Variants in RBM47 observed in about 807,000 individuals in gnomAD.
RBM47 encodes RNA-binding protein 47.
A neutral mutation model predicts 47.1 loss-of-function variants in RBM47; 21 were observed. The ratio of observed to expected loss-of-function variants is 0.45; its 90% CI spans 0.32 to 0.64. RBM47 has a LOEUF of 0.64. Ranked by LOEUF, RBM47 falls within the 30% of genes least tolerant of loss-of-function variation. RBM47 has a pLI of 0.05. For missense variants in RBM47, 708 were observed against 870.9 expected (o/e 0.81, Z 2.35); for synonymous variants, 375 against 361.7 (o/e 1.04, Z -0.42).
At chr4:40,489,160 T>C (rs983012812) in intron 2 of RBM47, among the ~76,000 whole-genome samples, 1 of 152,160 alleles carries the variant, frequency 6.6e-6, no homozygotes, top group Non-Finnish European at 1.5e-5. Context: ...GCCCTGACTG[T>C]TTCAGCATTG....
chr4:40,586,116 A>G (rs1035599914), intron 1 of RBM47, among the ~76,000 whole-genome samples: 1 of 152,210 alleles, frequency 6.6e-6, no homozygotes, highest in Non-Finnish European at 1.5e-5. Context: ...CAGAATTAAC[A>G]TGTTAGGGAG....
In RBM47 at chr4:40,628,521, C is replaced by T. The variant is rs965728916; in HGVS notation, c.-240+875G>A. 1.8e-4 allele frequency among the ~76,000 whole-genome samples: 28 copies of T among 152,186 alleles called. No homozygotes were observed. The highest frequency in any genetic ancestry group is 6.3e-4 in the African/African-American group (26 of 41,434). ...CCTTTTGAGCTCAAAACTTCGGCAA[C>T]TCCTTCATGTTGGGTTGTCAACCCT... On this transcript the variant is annotated intron_variant, in intron 1 of 6. Coordinates refer to ENST00000295971, the MANE Select transcript of RBM47 (RefSeq NM_001098634.2). This position sits in a 1 kb window ranked among gnomAD's most constrained non-coding sequence, Gnocchi z 4.0.
intron 1 of RBM47, among the ~76,000 whole-genome samples, chr4:40,589,060 A>C (rs1578022162): frequency 8.7e-6 from 1 of 114,852 alleles, no homozygotes; most frequent in African/African-American, 3.4e-5. Flanking sequence ...TGCAACCTCC[A>C]CCTCCCGGGT....
At chr4:40,526,327 CAG>C (rs978438763) in intron 2 of RBM47, among the ~76,000 whole-genome samples, 2 of 152,294 alleles carry the variant, frequency 1.3e-5, no homozygotes, top group African/African-American at 4.8e-5. Context: ...TCCCTGTCTT[CAG>C]AGTTTTCTAA....
intron 2 of RBM47, among the ~76,000 whole-genome samples, chr4:40,527,436 A>ATTTTTTTTTTTTTTTTT (rs60524903): frequency 1.5e-4 from 16 of 104,706 alleles, no homozygotes; most frequent in African/African-American, 4.7e-4. Context: ...ACACCTGGCA[A>ATTTTTTTTTTTTTTTTT]TTTTTTTTTT....
At chr4:40,500,317 C>A (rs139413730) in intron 2 of RBM47, among the ~76,000 whole-genome samples, 32 of 149,928 alleles carry the variant, frequency 2.1e-4, no homozygotes, top group African/African-American at 3.4e-4. Context: ...TCGTCCCCCC[C>A]CAAAAAAAAA....
chr4:40,534,890 G>A (rs1727776376), intron 2 of RBM47, among the ~76,000 whole-genome samples: 2 of 150,472 alleles, frequency 1.3e-5, no homozygotes, highest in Admixed American at 6.6e-5. Context: ...AGCCGAGATC[G>A]TGCCAGTGCA....
At chr4:40,487,029 A>G (rs1479471871) in intron 2 of RBM47, among the ~76,000 whole-genome samples, 1 of 152,218 alleles carries the variant, frequency 6.6e-6, no homozygotes, top group African/African-American at 2.4e-5. Flanking sequence ...AGACTTACTT[A>G]AACTGGAAGA....
At chr4:40,613,843 A>T (rs978037253) in intron 1 of RBM47, among the ~76,000 whole-genome samples, 4 of 151,604 alleles carry the variant, frequency 2.6e-5, no homozygotes, top group Non-Finnish European at 2.9e-5. Context: ...TGTGGAGAAC[A>T]GTCTAGAATT....
intron 2 of RBM47, among the ~76,000 whole-genome samples, chr4:40,493,879 C>T (rs919972735): frequency 4.6e-5 from 7 of 151,840 alleles, no homozygotes; most frequent in African/African-American, 1.7e-4. Context: ...GCAGAGGTTG[C>T]AGTGAGCCAA....
At chr4:40,523,918 G>A (rs1291725083) in intron 2 of RBM47, among the ~76,000 whole-genome samples, 2 of 151,362 alleles carry the variant, frequency 1.3e-5, no homozygotes, top group Non-Finnish European at 2.9e-5. Context: ...GTCTGATTTC[G>A]CAAATAAAAC....
intron 1 of RBM47, among the ~76,000 whole-genome samples, chr4:40,561,227 C>CTTTT (rs1176318537): frequency 2.1e-4 from 24 of 113,614 alleles, no homozygotes; most frequent in African/African-American, 7.4e-4. Flanking sequence ...TTTCCATTGT[C>CTTTT]TTTTTTTTTT....
rs1560357360 is a variant in RBM47 at position 40,437,115 on chromosome 4, TAC to T, written c.1124-470_1124-469del. On this transcript the variant is annotated intron_variant, in intron 4 of 6. Transcript: ENST00000295971. Reference sequence around the variant, plus strand: ...AATATATATATATATATATATAAAATACATATATATATATATAAAATACATAT... The same window carrying T: ...AATATATATATATATATATATAAAATATATATATATATATAAAATACATAT... Among the ~76,000 whole-genome samples the T allele has an allele frequency of 2.3e-3, 129 of 55,160 alleles. 5 individuals are homozygous for T. Among genetic ancestry groups the T allele is most frequent in the African/African-American group, 4.9e-3 (43 of 8,752 alleles). The allele number at this position is 55,160 out of a possible 152,430, so 36.2% of individuals were successfully genotyped here.
At chr4:40,516,261 CTT>C (rs541606790) in intron 2 of RBM47, among the ~76,000 whole-genome samples, 5 of 133,138 alleles carry the variant, frequency 3.8e-5, no homozygotes, top group Non-Finnish European at 3.2e-5. Flanking sequence ...TCTTTTCTTT[CTT>C]TTTTTTTTTT....
chr4:40,487,269 G>C (rs994151106), intron 2 of RBM47, among the ~76,000 whole-genome samples: 3 of 152,094 alleles, frequency 2.0e-5, no homozygotes, highest in African/African-American at 7.2e-5. Context: ...GATGATGTTG[G>C]TAATTTCAGC....
intron 3 of RBM47, among the ~76,000 whole-genome samples, chr4:40,450,853 C>T (rs1338524259): frequency 6.6e-6 from 1 of 152,096 alleles, no homozygotes; most frequent in Non-Finnish European, 1.5e-5. Flanking sequence ...AGAAATGTCT[C>T]CAGACATTGC....
chr4:40,499,236 G>A (rs1333670822), intron 2 of RBM47, among the ~76,000 whole-genome samples: 2 of 152,084 alleles, frequency 1.3e-5, no homozygotes, highest in African/African-American at 4.8e-5. Flanking sequence ...ATACTTACAT[G>A]AAGACTGCAA....
In RBM47 at chr4:40,438,773, G is replaced by A. The variant is rs896371394; in HGVS notation, c.121C>T (p.Arg41Cys). 3 of 1,566,926 alleles carry A rather than the reference G, an allele frequency of 1.9e-6. No homozygotes were observed. The highest frequency in any genetic ancestry group is 2.6e-6 in the Non-Finnish European group (3 of 1,161,252). Residue 41 changes from arginine to cysteine, a missense_variant, in exon 4 of 7, where the codon CGC (arginine) becomes TGC (cysteine). Arg to Cys is a radical substitution (Grantham distance 180, BLOSUM62 -3). Coordinates refer to ENST00000295971, the MANE Select transcript of RBM47 (RefSeq NM_001098634.2). ...NEAALLALME[R>C]TGYSMVQENG... The stretch of plus-strand genomic sequence containing the variant: ...TCTTGCACCATGCTGTAGCCCGTGC[G>A]CTCCATCAGCGCCAGCAGTGCTGCC...
At chr4:40,446,234 A>G (rs1342940558) in intron 3 of RBM47, among the ~76,000 whole-genome samples, 1 of 152,212 alleles carries the variant, frequency 6.6e-6, no homozygotes, top group East Asian at 1.9e-4. Flanking sequence ...TCTATATGGT[A>G]TACGACTAGG....
Sources: gnomAD v4.1 joint callset for allele counts (sites outside exome capture counted in the v4.1 genomes callset) on GRCh38, gnomAD v4.1.1 for gene constraint, Gnocchi (gnomAD v3.1) non-coding constraint, MANE v1.5 for transcripts, NCBI Gene and HGNC (gene_info 2026-07-23, HGNC 2026-07-21) for gene names.